The following CCDC154 variants were observed in gnomAD, a reference collection of about 807,000 sequenced individuals.
The protein encoded by CCDC154 is coiled-coil domain containing 154, also known as coiled-coil domain-containing protein 154.
CCDC154 carries 91 observed loss-of-function variants against 87.5 expected under a neutral mutation model. That is an observed-to-expected ratio of 1.04 (90% CI 0.88 to 1.24). The LOEUF (loss-of-function observed/expected upper bound fraction) is 1.24. Among genes scored for constraint, CCDC154 ranks in the 50% most tolerant of loss-of-function variants. The pLI is 0.00. For synonymous variants in CCDC154, 418 were observed against 400.4 expected (o/e 1.04, Z -0.52); for missense variants, 903 against 879.2 (o/e 1.03, Z -0.34).
At chr16:1,443,218 C>T (rs924261879) in intron 4 of CCDC154, 43 bp downstream of exon 4, 4 of 1,543,320 alleles carry the variant, frequency 2.6e-6, no homozygotes, top group Admixed American at 2.1e-5. Flanking sequence ...CTCGCCACCA[C>T]CTCCCCGCCC....
At chr16:1,444,100 C>A (rs2038587268) in intron 1 of CCDC154, 88 bp from the exon 2 acceptor site, 13 of 1,104,494 alleles carry the variant, frequency 1.2e-5, no homozygotes, top group Non-Finnish European at 1.6e-5. Flanking sequence ...CCCGCAGGAC[C>A]CTCGCCCACC....
Position 1,436,058 on chromosome 16 carries a change from C to A in CCDC154, c.1516G>T (p.Glu506Ter), listed in dbSNP as rs532105045. ...REFKVGALRQ[E>*]LATLLSSVQL... ...ACGGATGATAGTAGCGTGGCCAGCTCCTGCCGCAGGGCCCCAACCTTGAAC... is the reference window on the plus strand; with the variant it reads ...ACGGATGATAGTAGCGTGGCCAGCTACTGCCGCAGGGCCCCAACCTTGAAC... The change falls in exon 14 of 17, where the codon GAG becomes TAG. Residue 506 changes from glutamate to a stop codon, truncating the protein, a stop_gained. Coordinates refer to ENST00000389176, the MANE Select transcript of CCDC154 (RefSeq NM_001143980.3). LOFTEE classifies it high-confidence loss of function. 6 of 1,550,338 alleles carry A rather than the reference C, an allele frequency of 3.9e-6. No individual in the cohort carries two copies. The African/African-American group carries it at 4.1e-5, about 11-fold the overall frequency.
intron 16 of CCDC154, 54 bp downstream of exon 16, chr16:1,434,614 C>T: frequency 1.7e-5 from 26 of 1,534,896 alleles, no homozygotes; most frequent in Non-Finnish European, 2.2e-5. Flanking sequence ...GGCCCCCAGC[C>T]CTGAACCCCG....
At chr16:1,436,256 G>A (rs2038500903) in intron 13 of CCDC154, among the ~76,000 whole-genome samples, 170 bp from the exon 14 acceptor site, 2 of 152,204 alleles carry the variant, frequency 1.3e-5, no homozygotes, top group Non-Finnish European at 2.9e-5. Flanking sequence ...GGGGTAGAGG[G>A]AGGGGCTGGA....
chr16:1,439,150 G>T, intron 6 of CCDC154, 24 bp from the exon 7 acceptor site: 1 of 1,542,078 alleles, frequency 6.5e-7, no homozygotes, highest in Non-Finnish European at 8.8e-7. Flanking sequence ...ACATTGTCCC[G>T]TGTGCAGCCT....
rs182944986 is a variant in CCDC154 at position 1,435,407 on chromosome 16, C to T, written c.1606-232G>A. 1.1e-4 allele frequency: 63 copies of T among 571,360 alleles called. No homozygotes were observed. In the East Asian group the frequency reaches 1.3e-3, roughly 12 times the overall value. The allele number at this position is 571,360 out of a possible 1,614,324, so 35.4% of individuals were successfully genotyped here. A position where few individuals can be genotyped will look rare whatever the true frequency, so the allele number is the denominator to read the frequency against. On this transcript the variant is annotated intron_variant, in intron 14 of 16. Coordinates refer to ENST00000389176, the MANE Select transcript of CCDC154 (RefSeq NM_001143980.3). Reference sequence around the variant, plus strand: ...CAGGGCTCAGGGTTGTTCCGGCCCTCGTGGCTGCGGACGGCACCCCGGTGT... The same window carrying T: ...CAGGGCTCAGGGTTGTTCCGGCCCTTGTGGCTGCGGACGGCACCCCGGTGT...
intron 6 of CCDC154, among the ~76,000 whole-genome samples, chr16:1,440,088 A>G (rs1201197803): frequency 1.4e-5 from 2 of 144,512 alleles, no homozygotes; most frequent in African/African-American, 5.2e-5. Flanking sequence ...TGGAGGTTGC[A>G]GTGAGCTGAG....
At position 1,439,103 on chromosome 16, in the gene CCDC154, T is replaced by G; in HGVS notation, c.699A>C (p.Glu233Asp). 2.6e-6 allele frequency: 4 copies of G among 1,550,140 alleles called. No homozygotes were observed. The highest frequency in any genetic ancestry group is 3.5e-6 in the Non-Finnish European group (4 of 1,146,858). Residue 233 changes from glutamate (E) to aspartate (D), a missense_variant, in exon 7 of 17, where the codon GAA becomes GAC. By Grantham distance (45) the Glu-to-Asp change is conservative (BLOSUM62 2). Coordinates refer to ENST00000389176, the MANE Select transcript of CCDC154 (RefSeq NM_001143980.3). ...RMQAQVTKLG[E>D]EVSLRFLKRE... ...TCTTCAGGAAGCGCAGGCTCACCTC[T>G]TCGCCGAGCTTGGTCACCTGGGCCT...
rs1332769499 is a variant in CCDC154 at position 1,443,687 on chromosome 16, T to A, written c.233A>T (p.Glu78Val). Residue 78 changes from glutamate (E) to valine (V), a missense_variant, in exon 3 of 17, where the codon GAG becomes GTG. Glu to Val is a moderately radical substitution (Grantham distance 121). Coordinates refer to ENST00000389176, the MANE Select transcript of CCDC154 (RefSeq NM_001143980.3). ...HWNQLEQWVV[E>V]LQAEVACLRE... ...CAGGCAGGCCACCTCGGCCTGCAGC[T>A]CCACCACCCTGGCCGGGGCGAGAGT... The A allele has an allele frequency of 4.1e-5, 53 of 1,290,760 alleles. No homozygotes were observed. The highest frequency in any genetic ancestry group is 5.2e-5 in the Non-Finnish European group (52 of 994,432). The allele number at this position is 1,290,760 out of a possible 1,614,324, so 80.0% of individuals were successfully genotyped here.
rs888212911 is a variant in CCDC154, at chr16:1,438,142, C to A, written c.1060G>T (p.Gly354Trp). Residue 354 changes from glycine to tryptophan, a missense_variant, in exon 10 of 17, where the codon GGG (glycine) becomes TGG (tryptophan). Coordinates refer to ENST00000389176, the MANE Select transcript of CCDC154 (RefSeq NM_001143980.3). ...AKGRLEESRA[G>W]ELAAYVQENL... ...TCCTGCACATAGGCGGCCAGCTCCC[C>A]AGCCCGGCTTTCCTCCAAGCGCCCC... 6.5e-7 allele frequency: 1 copy of A among 1,547,114 alleles called. No homozygotes were observed. Among genetic ancestry groups the A allele is most frequent in the African/African-American group, 1.4e-5 (1 of 73,122 alleles).
In CCDC154 at chr16:1,439,090, GC is replaced by G; in HGVS notation, c.711del (p.Arg238AlafsTer3). On this transcript the variant is annotated frameshift_variant, in exon 7 of 17. Coordinates refer to ENST00000389176, the MANE Select transcript of CCDC154 (RefSeq NM_001143980.3). LOFTEE classifies it high-confidence loss of function. ...QVTKLGEEVS[L>X]RFLKREAKLC... Reference sequence around the variant, plus strand: ...AGCTTGGCCTCCCTCTTCAGGAAGCGCAGGCTCACCTCTTCGCCGAGCTTGG... The same window carrying G: ...AGCTTGGCCTCCCTCTTCAGGAAGCGAGGCTCACCTCTTCGCCGAGCTTGG... The G allele has an allele frequency of 6.5e-7, 1 of 1,550,212 alleles. No homozygotes were observed.
chr16:1,443,231 G>T, intron 4 of CCDC154, 30 bp downstream of exon 4: 1 of 1,546,590 alleles, frequency 6.5e-7, no homozygotes, highest in Non-Finnish European at 8.7e-7. Context: ...CCCCGCCCTG[G>T]GCCTGTGCCC....
At chr16:1,435,829 G>T in intron 14 of CCDC154, 140 bp downstream of exon 14, 1 of 724,948 alleles carries the variant, frequency 1.4e-6, no homozygotes, top group Non-Finnish European at 2.3e-6. Flanking sequence ...CCTGGCCTCC[G>T]ACAGGTGGTT....
rs1038876513 is a variant in CCDC154 at position 1,436,008 on chromosome 16, A to C, written c.1566T>G (p.Pro522=). The C allele has an allele frequency of 2.6e-6, 4 of 1,550,188 alleles. No homozygotes were observed. The Admixed American group carries it at 7.8e-5, about 30-fold the overall frequency. The change falls in exon 14 of 17, where the codon CCT becomes CCG. Residue 522 remains proline, a synonymous_variant. Transcript: ENST00000389176. ...CCTGCATCTCCGCGATCTTCCGCCC[A>C]GGGTTGTCTTCCTTTAGCAGCTGCA... is the stretch of plus-strand genomic sequence containing the variant. ...SSVQLLKEDN[P]GRKIAEMQGK... is the part of the protein sequence containing the mutation.
intron 6 of CCDC154, among the ~76,000 whole-genome samples, chr16:1,440,449 C>CAGAAA (rs2038540634): frequency 7.8e-6 from 1 of 128,564 alleles, no homozygotes; most frequent in Non-Finnish European, 1.7e-5. Flanking sequence ...GACTCCATCT[C>CAGAAA]AGAAAAGAAA....
At chr16:1,436,330 G>C in intron 13 of CCDC154, 115 bp downstream of exon 13, 2 of 1,030,144 alleles carry the variant, frequency 1.9e-6, no homozygotes, top group South Asian at 1.4e-5. Context: ...CCCGGGCTCA[G>C]GGGGAACAGG....
In CCDC154 at chr16:1,435,366, C is replaced by G. The variant is rs935826294; in HGVS notation, c.1606-191G>C. 3 of 614,102 alleles carry G rather than the reference C, an allele frequency of 4.9e-6. No homozygotes were observed. The African/African-American group carries it at 5.5e-5, about 11-fold the overall frequency. The allele number at this position is 614,102 out of a possible 1,614,324, so 38.0% of individuals were successfully genotyped here. A position where few individuals can be genotyped will look rare whatever the true frequency, so the allele number is the denominator to read the frequency against. On this transcript the variant is annotated intron_variant, in intron 14 of 16. Transcript: ENST00000389176. Reference sequence around the variant, plus strand: ...GAGGAAGCGGCAGCCTGAGAGTGGCCCTGCGGGGACCTGGCCAGGGCTCAG... The same window carrying G: ...GAGGAAGCGGCAGCCTGAGAGTGGCGCTGCGGGGACCTGGCCAGGGCTCAG...
chr16:1,435,889 T>C (rs1283268372), intron 14 of CCDC154, 80 bp downstream of exon 14: 3 of 1,220,058 alleles, frequency 2.5e-6, no homozygotes, highest in Non-Finnish European at 3.5e-6. Context: ...CTGGGGGTCC[T>C]GCCTCTCCGC....
At position 1,438,645 on chromosome 16, in the gene CCDC154, A is replaced by T; in HGVS notation, c.999T>A (p.Arg333=). 6.5e-7 allele frequency: 1 copy of T among 1,549,868 alleles called. No individual in the cohort carries two copies. Among genetic ancestry groups the T allele is most frequent in the Admixed American group, 2.0e-5 (1 of 50,984 alleles). Residue 333 remains arginine, a synonymous_variant, in exon 9 of 17, where the codon CGT becomes CGA. Coordinates refer to ENST00000389176, the MANE Select transcript of CCDC154 (RefSeq NM_001143980.3). ...AGGCTTTCTCCTCGGCCAGTAGGAC[A>T]CGGTTCAGCGACGCCTGGTTCTGCT... The part of the protein sequence containing the change: ...FVQQNQASLN[R]VLLAEEKAWD...
Sources: allele counts gnomAD v4.1 joint callset (sites outside exome capture counted in the v4.1 genomes callset), GRCh38; gene constraint gnomAD v4.1.1; transcripts MANE v1.5; gene names NCBI Gene and HGNC (gene_info 2026-07-23, HGNC 2026-07-21).